The following ITGB3BP variants were observed in gnomAD, a reference collection of about 807,000 sequenced individuals.
ITGB3BP encodes the protein integrin subunit beta 3 binding protein.
ITGB3BP carries 27 observed loss-of-function variants against 29.1 expected under a neutral mutation model. The observed-to-expected ratio is 0.93, with a 90% CI of 0.68 to 1.28. ITGB3BP has a LOEUF of 1.28. Ranked by LOEUF, ITGB3BP falls within the 50% of genes most tolerant of loss-of-function variation. The pLI, the probability that ITGB3BP is intolerant of heterozygous loss-of-function variation, is 0.00. For missense variants in ITGB3BP, 192 were observed against 200.2 expected, an observed-to-expected ratio of 0.96 and a Z score of 0.25; for synonymous variants, 61 against 61.4, an observed-to-expected ratio of 0.99 and a Z score of 0.03.
At chr1:63,445,122 T>TAA (rs940082251) in intron 8 of ITGB3BP, among the ~76,000 whole-genome samples, 8 of 151,698 alleles carry the variant, frequency 5.3e-5, no homozygotes, top group Non-Finnish European at 1.2e-4. Context: ...CCATGTCTAA[T>TAA]AAAAATACAA....
At chr1:63,442,502 G>A (rs1273439063) in intron 8 of ITGB3BP, 2 of 152,282 alleles carry the variant, frequency 1.3e-5, no homozygotes, top group Non-Finnish European at 2.9e-5. Context: ...ACAGTCACAC[G>A]GACTTGGGGG....
At chr1:63,524,021 G>C (rs183005354), upstream of ITGB3BP, among the ~76,000 whole-genome samples, 51 of 152,208 alleles carry the variant, frequency 3.4e-4, no homozygotes, top group Admixed American at 1.5e-3. Flanking sequence ...AGTAAGGGAG[G>C]TTTCCAAGCC....
At chr1:63,476,637 G>GAAGGA (rs1318439129) in intron 4 of ITGB3BP, among the ~76,000 whole-genome samples, 1 of 152,178 alleles carries the variant, frequency 6.6e-6, no homozygotes, top group African/African-American at 2.4e-5. Flanking sequence ...CAAGAAGAAA[G>GAAGGA]AAGGAAAGAC....
intron 4 of ITGB3BP, among the ~76,000 whole-genome samples, chr1:63,461,180 G>A (rs950770645): frequency 6.6e-6 from 1 of 150,544 alleles, no homozygotes; most frequent in Non-Finnish European, 1.5e-5. Context: ...CGTGAACCCG[G>A]GAGGCGGAGC....
intron 7 of ITGB3BP, among the ~76,000 whole-genome samples, chr1:63,452,353 T>C (rs2100494795): frequency 6.6e-6 from 1 of 152,310 alleles, no homozygotes; most frequent in South Asian, 2.1e-4. Flanking sequence ...GAAATCACAC[T>C]ATTGGTGTAG....
rs374460583 is a variant in ITGB3BP, at chr1:63,460,233, ACTAT to A, written c.255-5269_255-5266del. Among the ~76,000 whole-genome samples, 42 of 152,338 alleles carry A rather than the reference ACTAT, an allele frequency of 2.8e-4. No homozygotes were observed. The East Asian group carries it at 5.0e-3, about 18-fold the overall frequency. On this transcript the variant is annotated intron_variant, in intron 4 of 8. Coordinates refer to ENST00000271002, the MANE Select transcript of ITGB3BP (RefSeq NM_014288.5). ...TTCACAATGTTGTGCAACCATCACC[ACTAT>A]CTATTTCCAAAAGTTTTCTATTACT...
intron 1 of ITGB3BP, among the ~76,000 whole-genome samples, chr1:63,508,798 C>A (rs1441532430): frequency 1.3e-5 from 2 of 151,964 alleles, no homozygotes; most frequent in African/African-American, 4.8e-5. Context: ...AAATGAGTTT[C>A]TTTAAAAAAT....
intron 4 of ITGB3BP, among the ~76,000 whole-genome samples, chr1:63,475,933 G>C (rs1188854269): frequency 6.6e-6 from 1 of 150,500 alleles, no homozygotes; most frequent in Non-Finnish European, 1.5e-5. Context: ...AGGAGGCGGA[G>C]GTTGCAGTGA....
chr1:63,448,547 T>C (rs943441772), intron 7 of ITGB3BP, among the ~76,000 whole-genome samples: 2 of 152,142 alleles, frequency 1.3e-5, no homozygotes, highest in Non-Finnish European at 2.9e-5. Flanking sequence ...AGTTATATAA[T>C]ACTATAAACA....
intron 1 of ITGB3BP, among the ~76,000 whole-genome samples, chr1:63,516,491 A>G (rs1646330692): frequency 6.6e-6 from 1 of 151,874 alleles, no homozygotes; most frequent in Non-Finnish European, 1.5e-5. Context: ...TAGGAGGCTA[A>G]GGCATGAGGA....
intron 2 of ITGB3BP, among the ~76,000 whole-genome samples, chr1:63,504,959 G>C (rs1052664330): frequency 7.2e-5 from 11 of 152,122 alleles, no homozygotes; most frequent in Non-Finnish European, 1.5e-4. Flanking sequence ...CAGGGATATT[G>C]GTCTAAAATT....
chr1:63,484,779 T>C (rs562031619), intron 3 of ITGB3BP, among the ~76,000 whole-genome samples: 10 of 152,236 alleles, frequency 6.6e-5, no homozygotes, highest in African/African-American at 1.9e-4. Flanking sequence ...CCTTCCTTTT[T>C]AACCGCTTCA....
Position 63,478,844 on chromosome 1 carries a change from G to A in ITGB3BP, c.185-11C>T. On this transcript the variant is annotated splice_polypyrimidine_tract_variant and intron_variant, in intron 3 of 8. Transcript: ENST00000271002. ...ATTTTTTTCTCTTTTCTATATATGT[G>A]TAATAAAGAAAAGGACATAAAGTTA... 4 of 1,021,830 alleles carry A rather than the reference G, an allele frequency of 3.9e-6. No homozygotes were observed. The highest frequency in any genetic ancestry group is 3.6e-5 in the South Asian group (2 of 55,592). The allele number at this position is 1,021,830 out of a possible 1,614,324, so 63.3% of individuals were successfully genotyped here.
chr1:63,510,074 C>A, intron 1 of ITGB3BP: 1 of 608,026 alleles, frequency 1.6e-6, no homozygotes, highest in South Asian at 1.8e-5. Flanking sequence ...CCTGTAATCC[C>A]AACTACTCCC....
At position 63,511,504 on chromosome 1, in the gene ITGB3BP, C is replaced by T. The variant is rs570382801; in HGVS notation, c.6-2934G>A. Among the ~76,000 whole-genome samples the T allele has an allele frequency of 5.9e-4, 90 of 152,118 alleles. 4 individuals carry two copies. In the South Asian group the frequency reaches 0.018, roughly 31 times the overall value. Reference sequence around the variant, plus strand: ...TACACCAATGTTCACAGCAGCATTGCTCACAATAGCCAAAAGGTAGAAAAG... The same window carrying T: ...TACACCAATGTTCACAGCAGCATTGTTCACAATAGCCAAAAGGTAGAAAAG... On this transcript the variant is annotated intron_variant, in intron 1 of 8. Transcript: ENST00000271002.
chr1:63,462,001 G>A (rs7367074), intron 4 of ITGB3BP, among the ~76,000 whole-genome samples: 143,376 of 152,312 alleles, frequency 0.94, 68,144 homozygotes, highest in East Asian at 1. Context: ...TCTGCAAAAA[G>A]TGCTGTTTAA....
At chr1:63,494,204 G>T (rs985510753) in intron 2 of ITGB3BP, among the ~76,000 whole-genome samples, 2 of 151,880 alleles carry the variant, frequency 1.3e-5, no homozygotes, top group Admixed American at 1.3e-4. Context: ...CAGTGGCACG[G>T]TCTTGGCTCA....
intron 1 of ITGB3BP, among the ~76,000 whole-genome samples, chr1:63,516,372 G>GC (rs1646326821): frequency 7.2e-6 from 1 of 138,690 alleles, no homozygotes. Context: ...GAGAAGGGGG[G>GC]GGGAAGGGAA....
At chr1:63,506,212 T>C (rs1441644462) in intron 2 of ITGB3BP, among the ~76,000 whole-genome samples, 1 of 152,182 alleles carries the variant, frequency 6.6e-6, no homozygotes, top group Non-Finnish European at 1.5e-5. Flanking sequence ...ATTGGGTGCA[T>C]ATATATTTAG....
Sources: allele counts gnomAD v4.1 joint callset (sites outside exome capture counted in the v4.1 genomes callset), GRCh38; gene constraint gnomAD v4.1.1; transcripts MANE v1.5; gene names NCBI Gene and HGNC (gene_info 2026-07-23, HGNC 2026-07-21).